POLK: variants seen among roughly 807,000 people sequenced by gnomAD.
POLK encodes DNA polymerase kappa, also known as polymerase (DNA directed) kappa.
In POLK, 76 loss-of-function variants were observed where a neutral mutation model predicts 94.0. The ratio of observed to expected loss-of-function variants is 0.81; its 90% CI spans 0.67 to 0.98. POLK has a LOEUF of 0.98. Ranked by LOEUF, POLK falls within the 50% of genes least tolerant of loss-of-function variation. POLK has a pLI of 0.00. For synonymous variants in POLK, 349 were observed against 325.4 expected (o/e 1.07, Z -0.78); for missense variants, 954 against 1,010.1 (o/e 0.94, Z 0.75).
At chr5:75,526,938 G>C (rs1200026317) in intron 1 of POLK, among the ~76,000 whole-genome samples, 1 of 152,052 alleles carries the variant, frequency 6.6e-6, no homozygotes, top group Non-Finnish European at 1.5e-5. Flanking sequence ...AAAAGGTAGA[G>C]GTATCTAAAG....
At chr5:75,559,127 G>T (rs1375691845) in intron 3 of POLK, among the ~76,000 whole-genome samples, 1 of 152,182 alleles carries the variant, frequency 6.6e-6, no homozygotes, top group Non-Finnish European at 1.5e-5. Context: ...GATTGAGGAA[G>T]TTTAAGGAGT....
intron 11 of POLK, among the ~76,000 whole-genome samples, chr5:75,591,955 A>G (rs1772811204): frequency 6.6e-6 from 1 of 152,230 alleles, no homozygotes; most frequent in Admixed American, 6.5e-5. Flanking sequence ...AGTGTTTGCT[A>G]GGCTTCTCCA....
At chr5:75,533,561 A>G (rs1302140253) in intron 1 of POLK, among the ~76,000 whole-genome samples, 1 of 152,166 alleles carries the variant, frequency 6.6e-6, no homozygotes, top group East Asian at 1.9e-4. Context: ...TACCTTGGCT[A>G]TTCGAGCTCT....
At chr5:75,594,489 CTT>C (rs1192223694) in intron 12 of POLK, among the ~76,000 whole-genome samples, 1 of 152,160 alleles carries the variant, frequency 6.6e-6, no homozygotes, top group Non-Finnish European at 1.5e-5. Context: ...TTCCTTATAA[CTT>C]AATGAAATTC....
At chr5:75,518,906 G>A (rs1230740078) in intron 1 of POLK, among the ~76,000 whole-genome samples, 1 of 152,144 alleles carries the variant, frequency 6.6e-6, no homozygotes, top group Non-Finnish European at 1.5e-5. Flanking sequence ...GTGCAGTGGT[G>A]TGATCATGAC....
intron 12 of POLK, among the ~76,000 whole-genome samples, chr5:75,595,102 A>C (rs552011912): frequency 6.6e-6 from 1 of 152,140 alleles, no homozygotes; most frequent in South Asian, 2.1e-4. Flanking sequence ...ACTACAAAAA[A>C]TTAGCTGGAC....
intron 1 of POLK, among the ~76,000 whole-genome samples, chr5:75,526,726 C>T (rs548148682): frequency 3.3e-5 from 5 of 151,978 alleles, no homozygotes; most frequent in African/African-American, 1.2e-4. Flanking sequence ...GGATTACAGA[C>T]GTGCACCACC....
intron 5 of POLK, among the ~76,000 whole-genome samples, chr5:75,575,338 C>A (rs1452184442): frequency 6.6e-6 from 1 of 152,164 alleles, no homozygotes; most frequent in Non-Finnish European, 1.5e-5. Context: ...CATCACCACA[C>A]CCACCTAATT....
chr5:75,583,682 G>T (rs558991868), intron 8 of POLK, among the ~76,000 whole-genome samples: 1 of 152,222 alleles, frequency 6.6e-6, no homozygotes, highest in South Asian at 2.1e-4. Context: ...GAAATTAAAA[G>T]AATATTTCTA....
chr5:75,545,855 A>T (rs1344162569), intron 1 of POLK, among the ~76,000 whole-genome samples: 1 of 152,092 alleles, frequency 6.6e-6, no homozygotes, highest in Non-Finnish European at 1.5e-5. Context: ...TTGTTAGCAA[A>T]TTTGTGTCAG....
At chr5:75,558,262 A>G (rs1770748372) in intron 3 of POLK, among the ~76,000 whole-genome samples, 1 of 149,128 alleles carries the variant, frequency 6.7e-6, no homozygotes, top group African/African-American at 2.5e-5. Context: ...TGGGTATTGT[A>G]CTTGGAAAAT....
chr5:75,589,815 T>C, intron 10 of POLK, among the ~76,000 whole-genome samples: 1 of 152,136 alleles, frequency 6.6e-6, no homozygotes, highest in East Asian at 1.9e-4. Flanking sequence ...TTTCAACACT[T>C]TTTTGCAGAT....
At chr5:75,511,575 C>A, upstream of POLK, 1 of 1,461,252 alleles carries the variant, frequency 6.8e-7, no homozygotes, top group Non-Finnish European at 9.0e-7. Context: ...CGCTGAGTCC[C>A]GCGTCCACTC....
In POLK at chr5:75,557,840, T is replaced by A. The variant is rs74603536; in HGVS notation, c.255+5249T>A. ...AGTCTCCCTCTGTCACCCAGGCTGC[T>A]GCGTAGTGGGATGACCTCAGCTCAC... On this transcript the variant is annotated intron_variant, in intron 3 of 14. Transcript: ENST00000241436. Among the ~76,000 whole-genome samples, 316 of 152,254 alleles carry A rather than the reference T, an allele frequency of 2.1e-3. 1 individual carries two copies. The East Asian group carries it at 0.027, about 13-fold the overall frequency.
At chr5:75,573,520 A>T (rs775629346) in intron 4 of POLK, among the ~76,000 whole-genome samples, 6 of 152,232 alleles carry the variant, frequency 3.9e-5, no homozygotes, top group Non-Finnish European at 8.8e-5. Context: ...TAATTAAAAA[A>T]ATATATGATA....
At chr5:75,577,477 A>T (rs1295507493) in intron 6 of POLK, among the ~76,000 whole-genome samples, 2 of 152,208 alleles carry the variant, frequency 1.3e-5, no homozygotes, top group African/African-American at 4.8e-5. Flanking sequence ...TTTTAAAAAA[A>T]TAATCCCTTT....
chr5:75,563,080 G>A (rs953840629), intron 3 of POLK, among the ~76,000 whole-genome samples: 29 of 152,146 alleles, frequency 1.9e-4, no homozygotes, highest in Non-Finnish European at 2.9e-5. Flanking sequence ...AGTTTTAGAA[G>A]GAATGGTACC....
intron 1 of POLK, among the ~76,000 whole-genome samples, chr5:75,527,500 TATACACACAC>T (rs1321821912): frequency 1.7e-5 from 2 of 116,056 alleles, no homozygotes; most frequent in Non-Finnish European, 3.4e-5. Flanking sequence ...AAAATTTATA[TATACACACAC>T]ACACACACAC....
chr5:75,543,321 TGA>T (rs1737870007), intron 1 of POLK, among the ~76,000 whole-genome samples: 1 of 152,200 alleles, frequency 6.6e-6, no homozygotes, highest in African/African-American at 2.4e-5. Context: ...ATTGTAGGCA[TGA>T]GTCACTGCTC....
Sources: allele counts gnomAD v4.1 joint callset (sites outside exome capture counted in the v4.1 genomes callset), GRCh38; gene constraint gnomAD v4.1.1; transcripts MANE v1.5; gene names NCBI Gene and HGNC (gene_info 2026-07-23, HGNC 2026-07-21).